The following CALCRL variants were observed in gnomAD, a reference collection of about 807,000 sequenced individuals.
The protein encoded by CALCRL is calcitonin gene-related peptide type 1 receptor.
In CALCRL, 27 loss-of-function variants were observed where a neutral mutation model predicts 60.4. The observed-to-expected ratio is 0.45, with a 90% CI of 0.33 to 0.62. The LOEUF (loss-of-function observed/expected upper bound fraction) is 0.62, where lower values mean the gene tolerates loss of function less well. Ranked by LOEUF, CALCRL falls within the 20% of genes least tolerant of loss-of-function variation. The pLI is 0.03. For synonymous variants in CALCRL, 190 were observed against 182.6 expected (o/e 1.04, Z -0.33); for missense variants, 424 against 540.7 (o/e 0.78, Z 2.14).
At chr2:187,442,100 A>G (rs1377719973) in intron 1 of CALCRL, 1 of 104,104 alleles carries the variant, frequency 9.6e-6, no homozygotes, top group Non-Finnish European at 1.9e-5. Flanking sequence ...ATATATATAT[A>G]TATATACATA....
intron 8 of CALCRL, among the ~76,000 whole-genome samples, chr2:187,368,993 T>C (rs1687412887): frequency 6.6e-6 from 1 of 152,136 alleles, no homozygotes; most frequent in South Asian, 2.1e-4. Flanking sequence ...AATAGCTCTC[T>C]TTTGGAGGCT....
intron 1 of CALCRL, among the ~76,000 whole-genome samples, chr2:187,405,537 C>T (rs115385109): frequency 0.011 from 1,693 of 152,048 alleles, 38 homozygotes; most frequent in African/African-American, 0.039. Context: ...ATCCCGAGGA[C>T]AGTATTGTTA....
chr2:187,371,361 C>T (rs1446076442), intron 8 of CALCRL, among the ~76,000 whole-genome samples: 8 of 151,828 alleles, frequency 5.3e-5, no homozygotes, highest in African/African-American at 1.9e-4. Flanking sequence ...ATGGACGTAC[C>T]GTGAGTTAAG....
chr2:187,358,348 C>CT (rs1686892270), intron 12 of CALCRL, among the ~76,000 whole-genome samples: 1 of 151,864 alleles, frequency 6.6e-6, no homozygotes, highest in Non-Finnish European at 1.5e-5. Context: ...AGAGCAAGAC[C>CT]TTTTTTCAAT....
In CALCRL at chr2:187,342,465, C is replaced by CA. The variant is rs1686125698; in HGVS notation, c.*3718dup. On this transcript the variant is annotated 3_prime_UTR_variant, in exon 15 of 15. Transcript: ENST00000392370. ...CACTATGGTTCTAGATTTGTAAAAC[C>CA]AACTTGAGGAGGTCTATATTGTAAT... 2.0e-5 allele frequency among the ~76,000 whole-genome samples: 3 copies of CA among 151,658 alleles called. No individual in the cohort carries two copies. In the South Asian group the frequency reaches 6.2e-4, roughly 31 times the overall value.
At position 187,351,117 on chromosome 2, in the gene CALCRL, C is replaced by G. The variant is rs1217889190; in HGVS notation, c.1170+803G>C. Among the ~76,000 whole-genome samples the G allele has an allele frequency of 5.8e-4, 14 of 24,248 alleles. 5 individuals carry two copies. Among genetic ancestry groups the G allele is most frequent in the African/African-American group, 2.6e-3 (11 of 4,204 alleles). 15.9% of individuals were successfully genotyped at this position (24,248 alleles called of 152,430 possible). Reference sequence around the variant, plus strand: ...TGGCTAACACGGTGAAACCCCGTCTCTACTAAAAATACAAAAAATTAGCCG... The same window carrying G: ...TGGCTAACACGGTGAAACCCCGTCTGTACTAAAAATACAAAAAATTAGCCG... On this transcript the variant is annotated intron_variant, in intron 14 of 14. Transcript: ENST00000392370.
At position 187,370,973 on chromosome 2, in the gene CALCRL, G is replaced by A. The variant is rs189913666; in HGVS notation, c.501-7471C>T. Among the ~76,000 whole-genome samples the A allele has an allele frequency of 9.4e-4, 143 of 152,172 alleles. 2 individuals are homozygous for A. The highest frequency in any genetic ancestry group is 3.3e-3 in the African/African-American group (136 of 41,534). On this transcript the variant is annotated intron_variant, in intron 8 of 14. Transcript: ENST00000392370. ...AATAAAACATTTAAGAAAACCTATAGTTCTCACGCCTGTAATCCCAGCATT... is the reference window on the plus strand; with the variant it reads ...AATAAAACATTTAAGAAAACCTATAATTCTCACGCCTGTAATCCCAGCATT...
intron 14 of CALCRL, among the ~76,000 whole-genome samples, chr2:187,348,710 A>G (rs1419992126): frequency 1.3e-5 from 2 of 151,678 alleles, no homozygotes; most frequent in African/African-American, 2.4e-5. Context: ...AAACCTAATT[A>G]AAGATCCACA....
chr2:187,372,713 T>C (rs867442431), intron 8 of CALCRL, among the ~76,000 whole-genome samples: 21 of 152,134 alleles, frequency 1.4e-4, no homozygotes, highest in African/African-American at 4.6e-4. Context: ...TAAGCAAGAA[T>C]AAGTACAGTA....
At chr2:187,412,611 G>A (rs1191030844) in intron 1 of CALCRL, among the ~76,000 whole-genome samples, 1 of 152,118 alleles carries the variant, frequency 6.6e-6, no homozygotes, top group East Asian at 1.9e-4. Flanking sequence ...TTAAATCATA[G>A]ACTATTATCT....
At position 187,378,990 on chromosome 2, in the gene CALCRL, T is replaced by C; in HGVS notation, c.450A>G (p.Gly150=). 6.2e-7 allele frequency: 1 copy of C among 1,608,302 alleles called. No individual in the cohort carries two copies. The highest frequency in any genetic ancestry group is 8.5e-7 in the Non-Finnish European group (1 of 1,176,286). The change falls in exon 8 of 15, where the codon GGA becomes GGG. Residue 150 remains glycine, a synonymous_variant. Transcript: ENST00000392370. ...AGATAAGCAGTGATGCAATAGACAA[T>C]CCGTGTCCAATTATGGTCAGGTAAA... The part of the protein sequence containing the change: ...NLFYLTIIGH[G]LSIASLLISL...
At chr2:187,434,360 G>T (rs1017666948) in intron 1 of CALCRL, among the ~76,000 whole-genome samples, 3 of 151,986 alleles carry the variant, frequency 2.0e-5, no homozygotes, top group Admixed American at 6.6e-5. Context: ...ATGTTTCAGA[G>T]GAAAATTTTA....
chr2:187,414,889 T>A (rs1171909900), intron 1 of CALCRL, among the ~76,000 whole-genome samples: 7 of 146,378 alleles, frequency 4.8e-5, no homozygotes, highest in African/African-American at 1.6e-4. Flanking sequence ...TTTTTTTTTT[T>A]AAAAAAAAAA....
At chr2:187,390,432 A>G (rs961550884) in intron 1 of CALCRL, among the ~76,000 whole-genome samples, 9 of 152,166 alleles carry the variant, frequency 5.9e-5, no homozygotes, top group African/African-American at 2.2e-4. Context: ...TTTAATATGC[A>G]CATGAACTCC....
Position 187,411,891 on chromosome 2 carries a change from G to A in CALCRL, c.-292-24135C>T, listed in dbSNP as rs530011081. On this transcript the variant is annotated intron_variant, in intron 1 of 14. Coordinates refer to ENST00000392370, the MANE Select transcript of CALCRL (RefSeq NM_005795.6). Reference sequence around the variant, plus strand: ...GGTGCCTGTAGTCACAGCTACTCGGGAGGCTGAGGCAGGAGAATGGCGTGA... The same window carrying A: ...GGTGCCTGTAGTCACAGCTACTCGGAAGGCTGAGGCAGGAGAATGGCGTGA... 3.6e-3 allele frequency among the ~76,000 whole-genome samples: 544 copies of A among 150,408 alleles called. 3 individuals are homozygous for A. Among genetic ancestry groups the A allele is most frequent in the Non-Finnish European group, 3.9e-3 (265 of 67,764 alleles).
intron 1 of CALCRL, among the ~76,000 whole-genome samples, chr2:187,440,623 T>A (rs1007095864): frequency 2.2e-4 from 33 of 152,242 alleles, no homozygotes; most frequent in African/African-American, 7.7e-4. Flanking sequence ...AACTTAGCTT[T>A]CAGGATTAGT....
intron 8 of CALCRL, among the ~76,000 whole-genome samples, chr2:187,368,937 G>C (rs544003553): frequency 3.9e-5 from 6 of 152,230 alleles, no homozygotes; most frequent in South Asian, 2.1e-4. Context: ...CTCTCAAGTT[G>C]ATGGAATCAC....
chr2:187,410,072 G>C (rs564871041), intron 1 of CALCRL, among the ~76,000 whole-genome samples: 1 of 152,306 alleles, frequency 6.6e-6, no homozygotes, highest in East Asian at 1.9e-4. Context: ...GTTTAGCACT[G>C]AGCAACAAAA....
rs199799965 is a variant in CALCRL at position 187,380,679 on chromosome 2, G to A, written c.293C>T (p.Ser98Leu). 3 of 1,611,666 alleles carry A rather than the reference G, an allele frequency of 1.9e-6. No homozygotes were observed. The highest frequency in any genetic ancestry group is 1.1e-5 in the South Asian group (1 of 91,030). ...CPDYFQDFDP[S>L]EKVTKICDQD... ...TGTAGATACATTTCTGCTTTTACCT[G>A]ATGGATCAAAGTCCTGAAAGTAATC... is the stretch of plus-strand genomic sequence containing the variant. Residue 98 changes from serine to leucine, a missense_variant and splice_region_variant, in exon 6 of 15, where the codon TCA becomes TTA. By Grantham distance (145) the Ser-to-Leu change is moderately radical. Around this residue, in one of 7 missense-constraint regions of CALCRL, gnomAD observed 108 missense variants for 132.9 expected, o/e 0.81. Coordinates refer to ENST00000392370, the MANE Select transcript of CALCRL (RefSeq NM_005795.6).
Sources: allele counts gnomAD v4.1 joint callset (sites outside exome capture counted in the v4.1 genomes callset), GRCh38; gene constraint gnomAD v4.1.1; regional missense constraint gnomAD v4.1.1; transcripts MANE v1.5; gene names NCBI Gene and HGNC (gene_info 2026-07-23, HGNC 2026-07-21).